ROBO1: variants seen among roughly 807,000 people sequenced by gnomAD.
ROBO1 encodes roundabout homolog 1.
In ROBO1, 149 loss-of-function variants were observed where a neutral mutation model predicts 195.9. The observed-to-expected ratio is 0.76, with a 90% CI of 0.67 to 0.87. The LOEUF is 0.87. Among genes scored for constraint, ROBO1 ranks in the 40% least tolerant of loss-of-function variants. ROBO1 has a pLI of 0.00. For synonymous variants in ROBO1, 816 were observed against 733.2 expected (o/e 1.11, Z -1.82); for missense variants, 1,933 against 2,068.3 (o/e 0.93, Z 1.27).
At chr3:79,334,311 A>AATATATAT (rs367879037) in intron 2 of ROBO1, among the ~76,000 whole-genome samples, 17 of 131,742 alleles carry the variant, frequency 1.3e-4, no homozygotes, top group African/African-American at 4.6e-4. Flanking sequence ...AAAAAAAAAA[A>AATATATAT]ATATATATAT....
intron 4 of ROBO1, among the ~76,000 whole-genome samples, chr3:78,863,622 C>T (rs151172597): frequency 1.3e-5 from 2 of 152,294 alleles, no homozygotes; most frequent in Non-Finnish European, 2.9e-5. Context: ...ATAGTTTCTT[C>T]ATTTCAGGGG....
chr3:78,750,293 A>C (rs1023006852), intron 4 of ROBO1, among the ~76,000 whole-genome samples: 1 of 151,816 alleles, frequency 6.6e-6, no homozygotes, highest in South Asian at 2.1e-4. Context: ...TTCTACTAAA[A>C]ATACAAAAAA....
In ROBO1 at chr3:78,952,017, A is replaced by G. The variant is rs149505479; in HGVS notation, c.173-13090T>C. ...TTATTCATATATATGATTTTTTTCTATCATGACATTAATATTTACCTTATG... is the reference window on the plus strand; with the variant it reads ...TTATTCATATATATGATTTTTTTCTGTCATGACATTAATATTTACCTTATG... On this transcript the variant is annotated intron_variant, in intron 3 of 30. Transcript: ENST00000464233. Among the ~76,000 whole-genome samples the G allele has an allele frequency of 2.7e-3, 409 of 151,768 alleles. 2 individuals carry two copies. The highest frequency in any genetic ancestry group is 9.5e-3 in the African/African-American group (393 of 41,504).
At chr3:79,419,707 A>T (rs938435424) in intron 2 of ROBO1, among the ~76,000 whole-genome samples, 1 of 152,140 alleles carries the variant, frequency 6.6e-6, no homozygotes, top group Admixed American at 6.6e-5. Flanking sequence ...CAGATATTTG[A>T]TACATAGGAG....
intron 4 of ROBO1, among the ~76,000 whole-genome samples, chr3:78,880,428 C>T (rs992193720): frequency 2.0e-5 from 3 of 151,960 alleles, no homozygotes; most frequent in African/African-American, 4.8e-5. Context: ...AGGAACCCAT[C>T]GTCACTTACT....
intron 2 of ROBO1, among the ~76,000 whole-genome samples, chr3:79,145,130 C>T (rs2080619136): frequency 6.6e-6 from 1 of 151,808 alleles, no homozygotes; most frequent in Non-Finnish European, 1.5e-5. Flanking sequence ...CTATAACTAT[C>T]AGTTGTTGAT....
chr3:78,654,673 C>G (rs1342242696), intron 18 of ROBO1, among the ~76,000 whole-genome samples: 1 of 152,138 alleles, frequency 6.6e-6, no homozygotes, highest in Non-Finnish European at 1.5e-5. Context: ...CTAGCTCAGT[C>G]TTTGTCTCAC....
At chr3:79,612,117 G>A (rs1433947208) in intron 1 of ROBO1, among the ~76,000 whole-genome samples, 2 of 150,294 alleles carry the variant, frequency 1.3e-5, no homozygotes, top group Non-Finnish European at 3.0e-5. Context: ...CCATGCTGGT[G>A]CGCTGCACCC....
intron 2 of ROBO1, among the ~76,000 whole-genome samples, chr3:79,525,543 T>G (rs1941394233): frequency 2.7e-5 from 4 of 147,444 alleles, no homozygotes; most frequent in Admixed American, 1.4e-4. Context: ...ACTTCAGATA[T>G]ATATATATAT....
At chr3:78,712,612 C>T (rs960845043) in intron 8 of ROBO1, among the ~76,000 whole-genome samples, 2 of 152,028 alleles carry the variant, frequency 1.3e-5, no homozygotes, top group East Asian at 1.9e-4. Flanking sequence ...AATATATCCT[C>T]AACTATATAA....
rs756798186 is a variant in ROBO1, at chr3:78,917,099, G to GTTTT, written c.499+21498_499+21501dup. ...AGTCAGAGTTGTTTTTTTGTTTTTCGTTTTTTTTTTTTTTTTGAGATGGAG... is the reference window on the plus strand; with the variant it reads ...AGTCAGAGTTGTTTTTTTGTTTTTCGTTTTTTTTTTTTTTTTTTTTGAGATGGAG... On this transcript the variant is annotated intron_variant, in intron 4 of 30. Coordinates refer to ENST00000464233, the MANE Select transcript of ROBO1 (RefSeq NM_002941.4). Among the ~76,000 whole-genome samples, 248 of 127,306 alleles carry GTTTT rather than the reference G, an allele frequency of 1.9e-3. 3 individuals are homozygous for GTTTT. The highest frequency in any genetic ancestry group is 2.6e-3 in the South Asian group (10 of 3,868). 83.5% of individuals were successfully genotyped at this position (127,306 alleles called of 152,430 possible).
At chr3:79,671,905 A>G (rs918967610) in intron 1 of ROBO1, among the ~76,000 whole-genome samples, 3 of 151,922 alleles carry the variant, frequency 2.0e-5, no homozygotes, top group African/African-American at 7.2e-5. Flanking sequence ...TTACTAATGT[A>G]ATATTAATGA....
rs991599464 is a variant in ROBO1 at position 79,136,428 on chromosome 3, C to T, written c.89-10889G>A. On this transcript the variant is annotated intron_variant, in intron 2 of 30. Transcript: ENST00000464233. Reference sequence around the variant, plus strand: ...GCATTATCACAGTGCAGAGCTTTGGCATTAATTGACATTTTAAAGATGACC... The same window carrying T: ...GCATTATCACAGTGCAGAGCTTTGGTATTAATTGACATTTTAAAGATGACC... Among the ~76,000 whole-genome samples the T allele has an allele frequency of 7.2e-5, 11 of 152,122 alleles. No homozygotes were observed. The East Asian group carries it at 1.9e-3, about 27-fold the overall frequency.
chr3:79,034,003 A>C lies in ROBO1; in HGVS notation c.172+91453T>G, dbSNP rs150653794. 1.3e-3 allele frequency among the ~76,000 whole-genome samples: 193 copies of C among 152,198 alleles called. 4 individuals carry two copies. In the East Asian group the frequency reaches 0.03, roughly 24 times the overall value. On this transcript the variant is annotated intron_variant, in intron 3 of 30. Coordinates refer to ENST00000464233, the MANE Select transcript of ROBO1 (RefSeq NM_002941.4). The stretch of plus-strand genomic sequence containing the variant: ...AAAACAACTGTCAATCCTTTCAAAA[A>C]TTTCTGGAGCAAATAGTGCTTTATA...
At chr3:78,714,017 T>G (rs996776562) in intron 8 of ROBO1, among the ~76,000 whole-genome samples, 2 of 152,164 alleles carry the variant, frequency 1.3e-5, no homozygotes, top group African/African-American at 4.8e-5. Flanking sequence ...GAAAGACTTG[T>G]TTTCCTCCAA....
At chr3:79,087,849 G>A (rs1176281808) in intron 3 of ROBO1, among the ~76,000 whole-genome samples, 1 of 152,066 alleles carries the variant, frequency 6.6e-6, no homozygotes, top group South Asian at 2.1e-4. Context: ...ATTGATAACT[G>A]TTTATCAAGT....
chr3:79,123,374 T>A (rs1037345249), intron 3 of ROBO1, among the ~76,000 whole-genome samples: 1 of 151,956 alleles, frequency 6.6e-6, no homozygotes, highest in Non-Finnish European at 1.5e-5. Context: ...CTGTAGGTAA[T>A]TTTAACTAAT....
intron 3 of ROBO1, among the ~76,000 whole-genome samples, chr3:79,085,531 G>A (rs1576655769): frequency 6.6e-6 from 1 of 152,098 alleles, no homozygotes; most frequent in Admixed American, 6.6e-5. Context: ...TTCTTTCTGG[G>A]CAAGTAGAAT....
chr3:79,440,897 C>G (rs1242133054), intron 2 of ROBO1, among the ~76,000 whole-genome samples: 1 of 152,058 alleles, frequency 6.6e-6, no homozygotes. Context: ...ATTCAGATCT[C>G]TATTCTATTT....
Sources: gnomAD v4.1 joint callset for allele counts (sites outside exome capture counted in the v4.1 genomes callset) on GRCh38, gnomAD v4.1.1 for gene constraint, MANE v1.5 for transcripts, NCBI Gene and HGNC (gene_info 2026-07-23, HGNC 2026-07-21) for gene names.